The following MGAT3 variants were observed in gnomAD, a reference collection of about 807,000 sequenced individuals.
MGAT3 encodes the protein GlcNAc-T III.
A neutral mutation model predicts 29.8 loss-of-function variants in MGAT3; 9 were observed. The ratio of observed to expected loss-of-function variants is 0.30; its 90% CI spans 0.18 to 0.53. The LOEUF (loss-of-function observed/expected upper bound fraction) is 0.53. MGAT3 is among the 20% of genes least tolerant of loss of function. The pLI, the probability that MGAT3 is intolerant of heterozygous loss-of-function variation, is 0.96. For synonymous variants in MGAT3, 397 were observed against 348.9 expected (o/e 1.14, Z -1.54); for missense variants, 557 against 769.5 (o/e 0.72, Z 3.27).
intron 1 of MGAT3, among the ~76,000 whole-genome samples, chr22:39,458,459 TGGG>T (rs764771798): frequency 1.3e-5 from 2 of 151,746 alleles, no homozygotes; most frequent in African/African-American, 2.4e-5. Context: ...TTCGCCTTGA[TGGG>T]GGAGTTGTGA....
At chr22:39,458,566 G>T (rs56132836) in intron 1 of MGAT3, among the ~76,000 whole-genome samples, 1 of 152,272 alleles carries the variant, frequency 6.6e-6, no homozygotes, top group Non-Finnish European at 1.5e-5. Context: ...CCACCCCCAG[G>T]AGCTGCAGCT....
intron 1 of MGAT3, among the ~76,000 whole-genome samples, chr22:39,479,077 G>C (rs1019342874): frequency 6.6e-6 from 1 of 152,236 alleles, no homozygotes; most frequent in Admixed American, 6.5e-5. Flanking sequence ...CAGAGGCGGT[G>C]GCCCACGCTT....
chr22:39,486,026 T>A, intron 1 of MGAT3: 1 of 320,512 alleles, frequency 3.1e-6, no homozygotes, highest in South Asian at 2.4e-5. Flanking sequence ...ATCTTTTAAA[T>A]CTATCATTGA....
At chr22:39,474,580 C>T (rs1928898017) in intron 1 of MGAT3, among the ~76,000 whole-genome samples, 2 of 152,222 alleles carry the variant, frequency 1.3e-5, no homozygotes, top group East Asian at 1.9e-4. Flanking sequence ...ACTGGCCCAG[C>T]CCTCACGGGC....
Position 39,487,581 on chromosome 22 carries a change from G to T in MGAT3, c.234G>T (p.Ser78=). Residue 78 remains serine (S), a synonymous_variant, in exon 2 of 2, where the codon TCG becomes TCT. Transcript: ENST00000341184. The surrounding 1 kb of genome is among the most constrained non-coding windows in gnomAD (Gnocchi z 5.7). ...DLLRTPLYSH[S]PLLQPLPPSK... is the part of the protein sequence containing the mutation. ...TGCGTACCCCACTCTACTCCCACTC[G>T]CCCCTGCTGCAGCCGCTGCCGCCCA... 2 of 1,611,428 alleles carry T rather than the reference G, an allele frequency of 1.2e-6. No homozygotes were observed.
intron 1 of MGAT3, among the ~76,000 whole-genome samples, chr22:39,458,242 G>T (rs1322990236): frequency 1.3e-5 from 2 of 152,220 alleles, no homozygotes; most frequent in East Asian, 3.9e-4. Context: ...GGAGGGGAGT[G>T]CGCCTGGGTG....
Position 39,488,296 on chromosome 22 carries a change from G to A in MGAT3, c.949G>A (p.Asp317Asn). 2 of 1,611,820 alleles carry A rather than the reference G, an allele frequency of 1.2e-6. No homozygotes were observed. The change falls in exon 2 of 2, where the codon GAT becomes AAT. Residue 317 changes from aspartate to asparagine, a missense_variant. By Grantham distance (23) the Asp-to-Asn change is conservative (BLOSUM62 1). Transcript: ENST00000341184. ...LRPDDVFIID[D>N]ADEIPARDGV... ...GCCCGACGACGTCTTCATCATTGAC[G>A]ATGCGGACGAGATCCCGGCCCGTGA...
intron 1 of MGAT3, among the ~76,000 whole-genome samples, chr22:39,466,987 C>T (rs1174491280): frequency 1.3e-5 from 2 of 152,180 alleles, no homozygotes; most frequent in African/African-American, 4.8e-5. Context: ...GCCTATTGTG[C>T]GCCGGTGACT....
intron 1 of MGAT3, among the ~76,000 whole-genome samples, chr22:39,479,647 A>G (rs1426963228): frequency 6.6e-6 from 1 of 152,246 alleles, no homozygotes; most frequent in Non-Finnish European, 1.5e-5. Context: ...ATAATAATAG[A>G]AGAGCTAGCA....
rs1281251179 is a variant in MGAT3, at chr22:39,487,907, T to C, written c.560T>C (p.Val187Ala). 1 of 1,598,612 alleles carries C rather than the reference T, an allele frequency of 6.3e-7. No homozygotes were observed. The highest frequency in any genetic ancestry group is 1.1e-5 in the South Asian group (1 of 89,608). Residue 187 changes from valine to alanine, a missense_variant, in exon 2 of 2, where the codon GTG becomes GCG. By Grantham distance (64) the Val-to-Ala change is moderately conservative (BLOSUM62 0). Coordinates refer to ENST00000341184, the MANE Select transcript of MGAT3 (RefSeq NM_002409.5). The surrounding 1 kb of genome is among the most constrained non-coding windows in gnomAD (Gnocchi z 5.7). ...GGACCCAGCTGCGGCGTGCCCACTG[T>C]GGTGCAGTACTCCAACCTGCCCACC... ...WHGPSCGVPT[V>A]VQYSNLPTKE...
At chr22:39,479,979 TGAAA>T (rs1929077573) in intron 1 of MGAT3, among the ~76,000 whole-genome samples, 1 of 152,156 alleles carries the variant, frequency 6.6e-6, no homozygotes, top group Admixed American at 6.5e-5. Context: ...GATTCTTACT[TGAAA>T]TAAGCAGGGC....
At chr22:39,459,072 CTT>C (rs3043636) in intron 1 of MGAT3, among the ~76,000 whole-genome samples, 17 of 141,328 alleles carry the variant, frequency 1.2e-4, no homozygotes, top group Non-Finnish European at 2.5e-4. Context: ...CTTTTCTTTT[CTT>C]TTTTTTTTTT....
At chr22:39,475,128 C>CTTTTTTTTTTTT (rs58543840) in intron 1 of MGAT3, among the ~76,000 whole-genome samples, 12 of 118,772 alleles carry the variant, frequency 1.0e-4, no homozygotes, top group African/African-American at 4.1e-4. Context: ...GCTTGCCAGG[C>CTTTTTTTTTTTT]TTTTTTTTTT....
intron 1 of MGAT3, among the ~76,000 whole-genome samples, chr22:39,467,903 C>A (rs551788115): frequency 4.6e-5 from 7 of 151,318 alleles, no homozygotes; most frequent in Non-Finnish European, 8.8e-5. Context: ...AGCAGCAAAG[C>A]TAGAATGTGG....
At chr22:39,471,042 C>A (rs561485461) in intron 1 of MGAT3, among the ~76,000 whole-genome samples, 1 of 152,114 alleles carries the variant, frequency 6.6e-6, no homozygotes, top group African/African-American at 2.4e-5. Context: ...CCCTCCTGCC[C>A]GGCTTTTCCT....
intron 1 of MGAT3, among the ~76,000 whole-genome samples, chr22:39,475,128 C>CTTTTTTTTTTTTTTTTTTTTTTTTT (rs58543840): frequency 1.8e-4 from 21 of 118,770 alleles, no homozygotes; most frequent in African/African-American, 7.4e-4. Context: ...GCTTGCCAGG[C>CTTTTTTTTTTTTTTTTTTTTTTTTT]TTTTTTTTTT....
At chr22:39,475,557 A>G (rs1454526770) in intron 1 of MGAT3, among the ~76,000 whole-genome samples, 2 of 152,104 alleles carry the variant, frequency 1.3e-5, no homozygotes, top group African/African-American at 4.8e-5. Flanking sequence ...TCTCTCAGCC[A>G]AGACCTTGGC....
chr22:39,466,898 ACT>A (rs1218599350), intron 1 of MGAT3, among the ~76,000 whole-genome samples: 1 of 151,878 alleles, frequency 6.6e-6, no homozygotes, highest in South Asian at 2.1e-4. Flanking sequence ...CCAGCTTCTG[ACT>A]CTGTACCCAG....
chr22:39,475,632 G>A (rs1032987588), intron 1 of MGAT3, among the ~76,000 whole-genome samples: 1 of 152,098 alleles, frequency 6.6e-6, no homozygotes, highest in African/African-American at 2.4e-5. Flanking sequence ...CAGGCTTGGC[G>A]CCCTGGGATG....
Sources: gnomAD v4.1 joint callset for allele counts (sites outside exome capture counted in the v4.1 genomes callset) on GRCh38, gnomAD v4.1.1 for gene constraint, Gnocchi (gnomAD v3.1) non-coding constraint, MANE v1.5 for transcripts, NCBI Gene and HGNC (gene_info 2026-07-23, HGNC 2026-07-21) for gene names.